The following L3MBTL3 variants were observed in gnomAD, a reference collection of about 807,000 sequenced individuals.
L3MBTL3 encodes L3MBTL histone methyl-lysine binding protein 3.
L3MBTL3 carries 27 observed loss-of-function variants against 102.3 expected under a neutral mutation model. The ratio of observed to expected loss-of-function variants is 0.26; its 90% CI spans 0.19 to 0.36. The LOEUF (loss-of-function observed/expected upper bound fraction) is 0.36. Among genes scored for constraint, L3MBTL3 ranks in the 10% least tolerant of loss-of-function variants. The pLI, the probability that L3MBTL3 is intolerant of heterozygous loss-of-function variation, is 1.00. For synonymous variants in L3MBTL3, 340 were observed against 320.9 expected (o/e 1.06, Z -0.64); for missense variants, 798 against 955.3 (o/e 0.84, Z 2.17).
chr6:130,092,886 A>G, intron 17 of L3MBTL3, 27 bp downstream of exon 17: 1 of 1,348,976 alleles, frequency 7.4e-7, no homozygotes, highest in Non-Finnish European at 1.1e-6. Context: ...GCTTGTATAA[A>G]TGTTTCCATT....
intron 12 of L3MBTL3, among the ~76,000 whole-genome samples, chr6:130,069,168 AG>A (rs1782467512): frequency 6.6e-6 from 1 of 152,168 alleles, no homozygotes; most frequent in Non-Finnish European, 1.5e-5. Context: ...TAGACCCTTG[AG>A]GAGCAGAGTG....
intron 10 of L3MBTL3, among the ~76,000 whole-genome samples, chr6:130,063,633 C>T (rs974558369): frequency 6.6e-6 from 1 of 151,998 alleles, no homozygotes; most frequent in Non-Finnish European, 1.5e-5. Flanking sequence ...TAATGTATAT[C>T]GTTCATTCAT....
At chr6:130,031,335 T>C (rs1779710211) in intron 2 of L3MBTL3, among the ~76,000 whole-genome samples, 2 of 152,216 alleles carry the variant, frequency 1.3e-5, no homozygotes, top group Non-Finnish European at 1.5e-5. Flanking sequence ...CTTACTTTCA[T>C]GTTATTTTCT....
chr6:130,057,276 C>A, intron 8 of L3MBTL3, 130 bp from the exon 9 acceptor site: 1 of 733,752 alleles, frequency 1.4e-6, no homozygotes, highest in Non-Finnish European at 2.4e-6. Flanking sequence ...GGAAGAGAGA[C>A]AGAGATACCA....
Position 130,104,497 on chromosome 6 carries a change from A to T in L3MBTL3, c.1808A>T (p.Glu603Val). Residue 603 changes from glutamate (E) to valine (V), a missense_variant, in exon 19 of 23, where the codon GAG (glutamate) becomes GTG (valine). Coordinates refer to ENST00000361794, the MANE Select transcript of L3MBTL3 (RefSeq NM_032438.4). ...DRIFPDRLSG[E>V]MPPASPSFPR... ...ATTTTTCCAGACCGCTTAAGTGGTGAGATGCCTCCGGCTAGTCCGTCATTT... is the reference window on the plus strand; with the variant it reads ...ATTTTTCCAGACCGCTTAAGTGGTGTGATGCCTCCGGCTAGTCCGTCATTT... 3.7e-6 allele frequency: 6 copies of T among 1,601,820 alleles called. No homozygotes were observed. Among genetic ancestry groups the T allele is most frequent in the Non-Finnish European group, 5.1e-6 (6 of 1,174,278 alleles).
intron 2 of L3MBTL3, among the ~76,000 whole-genome samples, chr6:130,030,279 A>G (rs1335705857): frequency 6.6e-6 from 1 of 152,132 alleles, no homozygotes; most frequent in Non-Finnish European, 1.5e-5. Context: ...GAGAGGATAT[A>G]CCTAACCCAT....
intron 7 of L3MBTL3, among the ~76,000 whole-genome samples, chr6:130,053,245 A>G (rs933085815): frequency 5.9e-5 from 9 of 152,218 alleles, no homozygotes; most frequent in Non-Finnish European, 1.3e-4. Context: ...GTGAAAGGGA[A>G]CATTTAAAAA....
intron 2 of L3MBTL3, among the ~76,000 whole-genome samples, chr6:130,037,705 A>G (rs1780147401): frequency 6.6e-6 from 1 of 152,180 alleles, no homozygotes; most frequent in Non-Finnish European, 1.5e-5. Flanking sequence ...TGATACATGC[A>G]TATCATGTGT....
intron 7 of L3MBTL3, 63 bp from the exon 8 acceptor site, chr6:130,055,108 C>G (rs1781379135): frequency 1.7e-6 from 2 of 1,209,574 alleles, no homozygotes; most frequent in East Asian, 2.3e-5. Flanking sequence ...TGATAGCTCT[C>G]TAACTATTCA....
intron 18 of L3MBTL3, among the ~76,000 whole-genome samples, chr6:130,100,984 C>T (rs1478520348): frequency 1.3e-5 from 2 of 152,048 alleles, no homozygotes; most frequent in African/African-American, 4.8e-5. Context: ...ATTGTAAGGC[C>T]AAGCGTATAA....
intron 20 of L3MBTL3, among the ~76,000 whole-genome samples, chr6:130,132,356 T>C (rs887486839): frequency 1.3e-5 from 2 of 152,172 alleles, no homozygotes; most frequent in Non-Finnish European, 2.9e-5. Context: ...GAGGTGCGAT[T>C]GGAAGGGTGT....
At chr6:130,050,133 A>G (rs1034127500) in intron 5 of L3MBTL3, among the ~76,000 whole-genome samples, 4 of 152,034 alleles carry the variant, frequency 2.6e-5, no homozygotes, top group Non-Finnish European at 5.9e-5. Flanking sequence ...TGCAGATGTC[A>G]CTCTACTTCT....
chr6:130,097,228 T>A (rs1784411914), intron 18 of L3MBTL3, among the ~76,000 whole-genome samples: 1 of 152,238 alleles, frequency 6.6e-6, no homozygotes, highest in African/African-American at 2.4e-5. Flanking sequence ...TACTGTGTCG[T>A]GGATATTCTT....
chr6:130,047,771 T>C (rs1424112726), intron 3 of L3MBTL3, among the ~76,000 whole-genome samples: 3 of 152,344 alleles, frequency 2.0e-5, no homozygotes, highest in African/African-American at 7.2e-5. Context: ...CAGATGGTAC[T>C]GTCAGCCTTA....
intron 1 of L3MBTL3, among the ~76,000 whole-genome samples, chr6:130,019,037 C>A (rs1426773736): frequency 1.3e-5 from 2 of 151,758 alleles, no homozygotes; most frequent in Admixed American, 6.6e-5. Flanking sequence ...GTATTTTTTT[C>A]TTTGCGCGCA....
At chr6:130,118,774 A>G (rs908690630) in intron 19 of L3MBTL3, among the ~76,000 whole-genome samples, 12 of 152,206 alleles carry the variant, frequency 7.9e-5, no homozygotes, top group African/African-American at 2.9e-4. Flanking sequence ...TAATGAAGCA[A>G]CATAAATTAT....
At chr6:130,024,108 A>T (rs757733489) in intron 2 of L3MBTL3, among the ~76,000 whole-genome samples, 1 of 152,146 alleles carries the variant, frequency 6.6e-6, no homozygotes, top group South Asian at 2.1e-4. Context: ...TGTAATTAAT[A>T]TTTTAGTTGC....
chr6:130,089,284 T>A (rs919856902), intron 16 of L3MBTL3, among the ~76,000 whole-genome samples: 14 of 151,502 alleles, frequency 9.2e-5, no homozygotes, highest in African/African-American at 3.2e-4. Flanking sequence ...TTCTCATTGT[T>A]CAGTTCCCGC....
chr6:130,125,223 A>G (rs115731560), intron 20 of L3MBTL3, among the ~76,000 whole-genome samples: 3,363 of 152,274 alleles, frequency 0.022, 116 homozygotes, highest in African/African-American at 0.076. Flanking sequence ...TGTTGTCAAC[A>G]TGTTTTTCAA....
Sources: allele counts gnomAD v4.1 joint callset (sites outside exome capture counted in the v4.1 genomes callset), GRCh38; gene constraint gnomAD v4.1.1; transcripts MANE v1.5; gene names NCBI Gene and HGNC (gene_info 2026-07-23, HGNC 2026-07-21).